TRIM2: variants seen among roughly 807,000 people sequenced by gnomAD.
TRIM2 encodes tripartite motif containing 2.
TRIM2 carries 20 observed loss-of-function variants against 75.2 expected under a neutral mutation model. That is an observed-to-expected ratio of 0.27 (90% CI 0.19 to 0.39). TRIM2 has a LOEUF of 0.39. Ranked by LOEUF, TRIM2 falls within the 10% of genes least tolerant of loss-of-function variation. The pLI is 1.00. For missense variants in TRIM2, 660 were observed against 990.8 expected (o/e 0.67, Z 4.48); for synonymous variants, 373 against 388.3 (o/e 0.96, Z 0.46).
rs1046229259 is a variant in TRIM2, at chr4:153,338,279, A to G, written c.*3313A>G. The G allele has an allele frequency of 8.1e-6, 8 of 985,758 alleles. No homozygotes were observed. The African/African-American group carries it at 1.0e-4, about 13-fold the overall frequency. 61.1% of individuals were successfully genotyped at this position (985,758 alleles called of 1,614,324 possible). ...CTTAGTTAATTGGAGGAAGTAGTAA[A>G]TAAACATTAGGTAATCTGCAGATTA... is the stretch of plus-strand genomic sequence containing the variant. On this transcript the variant is annotated 3_prime_UTR_variant, in exon 12 of 12. Transcript: ENST00000338700.
At chr4:153,276,625 T>C (rs956348013) in intron 3 of TRIM2, among the ~76,000 whole-genome samples, 2 of 152,268 alleles carry the variant, frequency 1.3e-5, no homozygotes, top group South Asian at 2.1e-4. Flanking sequence ...TATTTCTTGC[T>C]ACTAGTGAGT....
At chr4:153,240,193 C>T (rs1746191203) in intron 1 of TRIM2, among the ~76,000 whole-genome samples, 1 of 152,192 alleles carries the variant, frequency 6.6e-6, no homozygotes, top group East Asian at 1.9e-4. Flanking sequence ...ATATCATACT[C>T]ATACCCACAA....
chr4:153,161,854 G>T (rs1291729103), intron 1 of TRIM2, among the ~76,000 whole-genome samples: 1 of 151,626 alleles, frequency 6.6e-6, no homozygotes, highest in Non-Finnish European at 1.5e-5. Context: ...GTCCTCTGCA[G>T]CTAACTTATT....
At chr4:153,301,565 A>C (rs908954054) in intron 6 of TRIM2, among the ~76,000 whole-genome samples, 1 of 152,214 alleles carries the variant, frequency 6.6e-6, no homozygotes, top group African/African-American at 2.4e-5. Flanking sequence ...ATCGTTGCCC[A>C]GAACAGTGTC....
At chr4:153,166,956 G>A (rs1402610666) in intron 1 of TRIM2, among the ~76,000 whole-genome samples, 1 of 152,182 alleles carries the variant, frequency 6.6e-6, no homozygotes, top group Non-Finnish European at 1.5e-5. Context: ...CTCTTGAATA[G>A]AGGCTGTTAA....
chr4:153,189,663 G>A (rs949572355), intron 1 of TRIM2, among the ~76,000 whole-genome samples: 9 of 152,154 alleles, frequency 5.9e-5, no homozygotes, highest in Admixed American at 3.3e-4. Flanking sequence ...TCCCTGTGAC[G>A]GCACTCACCC....
intron 1 of TRIM2, among the ~76,000 whole-genome samples, chr4:153,165,975 T>C (rs957944678): frequency 3.3e-5 from 5 of 152,200 alleles, no homozygotes; most frequent in African/African-American, 1.2e-4. Flanking sequence ...CCTTTTATTT[T>C]CTCTGTTCTC....
intron 6 of TRIM2, among the ~76,000 whole-genome samples, chr4:153,315,175 C>T (rs1044439500): frequency 3.0e-4 from 46 of 152,034 alleles, no homozygotes; most frequent in African/African-American, 8.9e-4. Context: ...AAAGGCAGGC[C>T]GTATTAGTTT....
chr4:153,290,394 A>G (rs1246742767), intron 3 of TRIM2, among the ~76,000 whole-genome samples: 1 of 152,188 alleles, frequency 6.6e-6, no homozygotes, highest in Non-Finnish European at 1.5e-5. Flanking sequence ...AAAATACACA[A>G]ATGCAACCCA....
At chr4:153,323,335 GA>G (rs1473241030) in intron 9 of TRIM2, among the ~76,000 whole-genome samples, 8 of 152,204 alleles carry the variant, frequency 5.3e-5, no homozygotes, top group African/African-American at 1.9e-4. Context: ...AGAAGAGGCT[GA>G]AAATAGCTTA....
chr4:153,230,236 A>G (rs1331397195), intron 1 of TRIM2, among the ~76,000 whole-genome samples: 4 of 152,062 alleles, frequency 2.6e-5, no homozygotes, highest in Non-Finnish European at 4.4e-5. Context: ...GCTGGAGTAC[A>G]GTGGCTTGAT....
intron 1 of TRIM2, among the ~76,000 whole-genome samples, chr4:153,253,688 C>T (rs567797435): frequency 6.6e-6 from 1 of 152,246 alleles, no homozygotes; most frequent in South Asian, 2.1e-4. Flanking sequence ...AGTAAAGGAG[C>T]CGGCCCAAAC....
At position 153,295,224 on chromosome 4, in the gene TRIM2, A is replaced by G; in HGVS notation, c.787-89A>G. On this transcript the variant is annotated intron_variant, in intron 5 of 11. Transcript: ENST00000338700. The surrounding 1 kb of genome is among the most constrained non-coding windows in gnomAD (Gnocchi z 7.2). ...CAGAGCCACCTGCGTGGGCAGGTGTAGAGTCTCCTTCTCGCCGGTGGAGGG... is the reference window on the plus strand; with the variant it reads ...CAGAGCCACCTGCGTGGGCAGGTGTGGAGTCTCCTTCTCGCCGGTGGAGGG... 1 of 1,447,112 alleles carries G rather than the reference A, an allele frequency of 6.9e-7. No individual in the cohort carries two copies. The highest frequency in any genetic ancestry group is 9.1e-7 in the Non-Finnish European group (1 of 1,097,836). The allele number at this position is 1,447,112 out of a possible 1,614,324, so 89.6% of individuals were successfully genotyped here.
chr4:153,203,394 TAC>T (rs35049904), upstream of TRIM2, among the ~76,000 whole-genome samples: 34,078 of 140,838 alleles, frequency 0.24, 3,779 homozygotes, highest in Non-Finnish European at 0.25. Flanking sequence ...CCCACATCTC[TAC>T]ACACACACAC....
intron 11 of TRIM2, among the ~76,000 whole-genome samples, chr4:153,330,284 A>T (rs1311025999): frequency 1.3e-5 from 2 of 152,238 alleles, no homozygotes; most frequent in East Asian, 3.8e-4. Flanking sequence ...AAAATAGAAG[A>T]TAAGAGAATA....
chr4:153,315,778 C>G, intron 7 of TRIM2, 54 bp from the exon 8 acceptor site: 1 of 1,601,158 alleles, frequency 6.2e-7, no homozygotes, highest in Middle Eastern at 1.7e-4. Flanking sequence ...CCTATGCCTT[C>G]CTCAGCAATG....
intron 1 of TRIM2, among the ~76,000 whole-genome samples, chr4:153,208,191 A>G (rs1297191911): frequency 6.6e-6 from 1 of 152,126 alleles, no homozygotes; most frequent in East Asian, 1.9e-4. Flanking sequence ...TCAGCTACTC[A>G]GGAGGCTGAG....
chr4:153,303,189 C>T (rs999879416), intron 6 of TRIM2, among the ~76,000 whole-genome samples: 5 of 152,210 alleles, frequency 3.3e-5, no homozygotes, highest in Admixed American at 6.5e-5. Context: ...TTTGGCTGGA[C>T]GCCGTGGCTT....
intron 6 of TRIM2, among the ~76,000 whole-genome samples, chr4:153,296,661 C>T (rs1170620989): frequency 6.6e-6 from 1 of 152,176 alleles, no homozygotes; most frequent in Non-Finnish European, 1.5e-5. Context: ...CAAGAAGGTA[C>T]CCGATGAGCC....
Sources: gnomAD v4.1 joint callset for allele counts (sites outside exome capture counted in the v4.1 genomes callset) on GRCh38, gnomAD v4.1.1 for gene constraint, Gnocchi (gnomAD v3.1) non-coding constraint, MANE v1.5 for transcripts, NCBI Gene and HGNC (gene_info 2026-07-23, HGNC 2026-07-21) for gene names.